The following RMDN2 variants were observed in gnomAD, a reference collection of about 807,000 sequenced individuals.
RMDN2 encodes the protein regulator of microtubule dynamics 2.
RMDN2 carries 61 observed loss-of-function variants against 52.8 expected under a neutral mutation model. That is an observed-to-expected ratio of 1.16 (90% CI 0.94 to 1.43). The LOEUF is 1.43. RMDN2 is among the 40% of genes most tolerant of loss of function. RMDN2 has a pLI of 0.00. For synonymous variants in RMDN2, 180 were observed against 153.1 expected (o/e 1.18, Z -1.30); for missense variants, 592 against 475.3 (o/e 1.25, Z -2.28).
rs1677256535 is a variant in RMDN2, at chr2:38,007,366, A to G, written c.1179+3150A>G. Among the ~76,000 whole-genome samples, 5 of 152,180 alleles carry G rather than the reference A, an allele frequency of 3.3e-5. No homozygotes were observed. The South Asian group carries it at 1.0e-3, about 32-fold the overall frequency. On this transcript the variant is annotated intron_variant, in intron 10 of 10. Transcript: ENST00000354545. ...TCTTTTGGTTGGTAAGCTATTAATT[A>G]TTGCCTCGATTTCAGAGCCTGTTAT...
intron 2 of RMDN2, among the ~76,000 whole-genome samples, chr2:37,955,405 G>GA (rs762271880): frequency 6.6e-6 from 1 of 152,184 alleles, no homozygotes; most frequent in African/African-American, 2.4e-5. Context: ...TCATAAAAAG[G>GA]TGATAAATTT....
intron 2 of RMDN2, among the ~76,000 whole-genome samples, chr2:37,954,029 C>A (rs1669158191): frequency 6.6e-6 from 1 of 151,522 alleles, no homozygotes; most frequent in South Asian, 2.1e-4. Context: ...TCCCTTGATC[C>A]TTTTTTTTAA....
At chr2:38,019,247 T>C (rs1679157225), downstream of RMDN2, among the ~76,000 whole-genome samples, 1 of 152,050 alleles carries the variant, frequency 6.6e-6, no homozygotes, top group Admixed American at 6.5e-5. Context: ...TCCGGCAGAG[T>C]GGTACAAACA....
chr2:37,976,268 T>G (rs1347097436), intron 4 of RMDN2: 1 of 152,224 alleles, frequency 6.6e-6, no homozygotes, highest in African/African-American at 2.4e-5. Flanking sequence ...AACTGTTATT[T>G]TTATACCTCA....
At chr2:38,059,200 A>T (rs1399503325) in intron 10 of RMDN2, among the ~76,000 whole-genome samples, 1 of 152,156 alleles carries the variant, frequency 6.6e-6, no homozygotes, top group Admixed American at 6.5e-5. Flanking sequence ...TAAGGAATTG[A>T]TTTTTTAATT....
Position 38,007,219 on chromosome 2 carries a change from TA to T in RMDN2, c.1179+3007del, listed in dbSNP as rs1677235164. On this transcript the variant is annotated intron_variant, in intron 10 of 10. Coordinates refer to ENST00000354545, the MANE Select transcript of RMDN2 (RefSeq NM_001170791.3). ...TGGTATCAGGATGATGCTGGCCTCA[TA>T]AAATGAGTTAGGGAGGATTCCCTCT... Among the ~76,000 whole-genome samples the T allele has an allele frequency of 1.3e-5, 2 of 152,212 alleles. 1 individual carries two copies. The highest frequency in any genetic ancestry group is 4.1e-4 in the South Asian group (2 of 4,832).
rs1384975064 is a variant in RMDN2, at chr2:37,959,233, G to C, written c.453-14807G>C. Among the ~76,000 whole-genome samples the C allele has an allele frequency of 1.3e-5, 2 of 151,038 alleles. 1 individual carries two copies. The highest frequency in any genetic ancestry group is 5.0e-5 in the African/African-American group (2 of 40,334). ...AATAGCTTCAGAAGGAATGGTACCA[G>C]CTCCTCTTTGTACCTCTGGTAGAAT... is the stretch of plus-strand genomic sequence containing the variant. On this transcript the variant is annotated intron_variant, in intron 2 of 10. Coordinates refer to ENST00000354545, the MANE Select transcript of RMDN2 (RefSeq NM_001170791.3).
upstream of RMDN2, among the ~76,000 whole-genome samples, chr2:37,924,817 T>A (rs1228950419): frequency 1.3e-5 from 2 of 152,180 alleles, no homozygotes; most frequent in African/African-American, 4.8e-5. Context: ...GCTGTCAAAA[T>A]TGCTCATTAA....
In RMDN2 at chr2:38,017,524, A is replaced by T; in HGVS notation, c.*285A>T. 1 of 1,102,796 alleles carries T rather than the reference A, an allele frequency of 9.1e-7. No individual in the cohort carries two copies. The highest frequency in any genetic ancestry group is 1.2e-6 in the Non-Finnish European group (1 of 831,394). 68.3% of individuals were successfully genotyped at this position (1,102,796 alleles called of 1,614,324 possible). A position where few individuals can be genotyped will look rare whatever the true frequency, so the allele number is the denominator to read the frequency against. ...CCTTAAGAATATTTCTTTAAATAAA[A>T]TATTTAAATCCAATAAAATGAATTC... On this transcript the variant is annotated 3_prime_UTR_variant, in exon 11 of 11. Transcript: ENST00000354545.
At chr2:38,043,220 T>C (rs965821243) in intron 10 of RMDN2, among the ~76,000 whole-genome samples, 2 of 152,216 alleles carry the variant, frequency 1.3e-5, no homozygotes, top group African/African-American at 2.4e-5. Flanking sequence ...TCTTGGAGAA[T>C]TGTCCCCTTT....
intron 8 of RMDN2, among the ~76,000 whole-genome samples, chr2:38,001,096 C>T (rs967968621): frequency 1.3e-5 from 2 of 152,154 alleles, no homozygotes; most frequent in Non-Finnish European, 2.9e-5. Flanking sequence ...TCCCCAGCTG[C>T]AGAACTCTTG....
In RMDN2 at chr2:37,960,700, A is replaced by G. The variant is rs530532840; in HGVS notation, c.453-13340A>G. Among the ~76,000 whole-genome samples, 180 of 152,296 alleles carry G rather than the reference A, an allele frequency of 1.2e-3. 1 individual carries two copies. Among genetic ancestry groups the G allele is most frequent in the African/African-American group, 4.2e-3 (174 of 41,550 alleles). On this transcript the variant is annotated intron_variant, in intron 2 of 10. Transcript: ENST00000354545. ...CTTAGCCCACTTACATTTAAGGTTAATATTGTTATATGTGAATTTGATCCT... is the reference window on the plus strand; with the variant it reads ...CTTAGCCCACTTACATTTAAGGTTAGTATTGTTATATGTGAATTTGATCCT...
chr2:37,990,952 T>G (rs915926395), intron 6 of RMDN2, among the ~76,000 whole-genome samples: 1 of 152,222 alleles, frequency 6.6e-6, no homozygotes. Context: ...GGCAAACATA[T>G]GACTTCGGTG....
intron 2 of RMDN2, among the ~76,000 whole-genome samples, chr2:37,960,942 C>T (rs1031331562): frequency 2.0e-5 from 3 of 152,154 alleles, no homozygotes; most frequent in African/African-American, 7.2e-5. Context: ...TTCTCCTTCG[C>T]TTATGAAGCT....
At chr2:37,997,293 ATATGT>A (rs1675682791) in intron 7 of RMDN2, 118 bp from the exon 8 acceptor site, 2 of 673,896 alleles carry the variant, frequency 3.0e-6, no homozygotes, top group Non-Finnish European at 2.7e-6. Flanking sequence ...TTTCATTTGT[ATATGT>A]TATATCTATA....
chr2:38,039,093 C>CACACACAGAGAG (rs1317093706), intron 10 of RMDN2, among the ~76,000 whole-genome samples: 22 of 91,684 alleles, frequency 2.4e-4, no homozygotes, highest in African/African-American at 6.7e-4. Flanking sequence ...CACACACACA[C>CACACACAGAGAG]AGAGAGAGAG....
chr2:37,997,739 C>T (rs1008455082), intron 8 of RMDN2: 27 of 459,984 alleles, frequency 5.9e-5, no homozygotes, highest in Non-Finnish European at 9.3e-5. Flanking sequence ...TTACAAACTA[C>T]TTTTTAAAAA....
Position 38,034,247 on chromosome 2 carries a change from CTA to C in RMDN2, c.1713+30032_1713+30033del, listed in dbSNP as rs1431348383. Among the ~76,000 whole-genome samples the C allele has an allele frequency of 2.6e-5, 4 of 152,198 alleles. No homozygotes were observed. The East Asian group carries it at 7.7e-4, about 29-fold the overall frequency. On this transcript the variant is annotated intron_variant, in intron 10 of 10. Transcript: ENST00000234195. ...AGAAGAGCATCCTTCAGCCGTGACA[CTA>C]AACTTGTGTGAGGATGATGCAGAGA...
chr2:37,967,033 G>A (rs570155236), intron 2 of RMDN2, among the ~76,000 whole-genome samples: 80 of 152,156 alleles, frequency 5.3e-4, no homozygotes, highest in Non-Finnish European at 8.1e-4. Context: ...TGGGGACAGT[G>A]CCCGAAAGAA....
Sources: allele counts gnomAD v4.1 joint callset (sites outside exome capture counted in the v4.1 genomes callset), GRCh38; gene constraint gnomAD v4.1.1; transcripts MANE v1.5; gene names NCBI Gene and HGNC (gene_info 2026-07-23, HGNC 2026-07-21).